Variants in RHOBTB1 observed in about 807,000 individuals in gnomAD.
RHOBTB1 encodes Rho related BTB domain containing 1.
Under a neutral mutation model 71.6 loss-of-function variants are expected in RHOBTB1, and 40 were observed. The ratio of observed to expected loss-of-function variants is 0.56; its 90% CI spans 0.43 to 0.73. RHOBTB1 has a LOEUF of 0.73. Among genes scored for constraint, RHOBTB1 ranks in the 30% least tolerant of loss-of-function variants. The pLI is 0.00. For synonymous variants in RHOBTB1, 319 were observed against 334.9 expected, an observed-to-expected ratio of 0.95 and a Z score of 0.52; for missense variants, 797 against 894.0, an observed-to-expected ratio of 0.89 and a Z score of 1.38.
chr10:60,986,955 T>C (rs1210467264), intron 1 of RHOBTB1, among the ~76,000 whole-genome samples: 1 of 152,132 alleles, frequency 6.6e-6, no homozygotes, highest in Admixed American at 6.5e-5. Context: ...CTGAAGGAAA[T>C]TGTTGATTGC....
chr10:60,975,947 A>T (rs2086299646), intron 2 of RHOBTB1, among the ~76,000 whole-genome samples: 1 of 152,048 alleles, frequency 6.6e-6, no homozygotes, highest in South Asian at 2.1e-4. Context: ...AGTGGAAGGG[A>T]GGAGTCTTAT....
At chr10:60,959,470 T>A (rs968740855) in intron 2 of RHOBTB1, among the ~76,000 whole-genome samples, 1 of 152,154 alleles carries the variant, frequency 6.6e-6, no homozygotes, top group Non-Finnish European at 1.5e-5. Context: ...AGACACACAG[T>A]CCATTAAAAA....
At chr10:60,875,246 C>T (rs139583359) in intron 8 of RHOBTB1, among the ~76,000 whole-genome samples, 2 of 152,320 alleles carry the variant, frequency 1.3e-5, no homozygotes, top group East Asian at 1.9e-4. Context: ...TTCACCCACA[C>T]CTCTGGGGAC....
chr10:60,876,198 T>A (rs1389106259), intron 8 of RHOBTB1, among the ~76,000 whole-genome samples: 1 of 152,214 alleles, frequency 6.6e-6, no homozygotes. Context: ...CACAAAGCAT[T>A]GTCACTGTAG....
Position 60,871,199 on chromosome 10 carries a change from C to A in RHOBTB1, c.*283G>T. 2 of 294,652 alleles carry A rather than the reference C, an allele frequency of 6.8e-6. No individual in the cohort carries two copies. The highest frequency in any genetic ancestry group is 1.3e-4 in the South Asian group (1 of 7,664). The allele number at this position is 294,652 out of a possible 1,614,324, so 18.3% of individuals were successfully genotyped here. ...TTTTTTTTCTTTGTATAAAAAGAAA[C>A]AAAATAACAGACTAAAGTTTATTAA... On this transcript the variant is annotated 3_prime_UTR_variant, in exon 11 of 11. Transcript: ENST00000337910.
intron 2 of RHOBTB1, among the ~76,000 whole-genome samples, chr10:60,927,057 G>T (rs1213624873): frequency 6.6e-6 from 1 of 152,172 alleles, no homozygotes; most frequent in East Asian, 1.9e-4. Flanking sequence ...AAAATAAGTA[G>T]CATTGCTATA....
chr10:60,920,239 G>A (rs756647351), intron 2 of RHOBTB1, among the ~76,000 whole-genome samples: 4 of 152,102 alleles, frequency 2.6e-5, no homozygotes, highest in Non-Finnish European at 4.4e-5. Flanking sequence ...GCAAGCCAGC[G>A]GTGGTTCACA....
chr10:60,888,693 C>A lies in RHOBTB1; in HGVS notation c.975G>T (p.Leu325Phe). The A allele has an allele frequency of 6.2e-7, 1 of 1,614,210 alleles. No individual in the cohort carries two copies. The highest frequency in any genetic ancestry group is 8.5e-7 in the Non-Finnish European group (1 of 1,180,032). Residue 325 changes from leucine to phenylalanine, a missense_variant, in exon 6 of 11, where the codon TTG becomes TTT. Around this residue, in one of 2 missense-constraint regions of RHOBTB1, gnomAD observed 658 missense variants for 681.5 expected, o/e 0.97. Coordinates refer to ENST00000337910, the MANE Select transcript of RHOBTB1 (RefSeq NM_014836.5). ...KQSRDFQGRILSVDPEEEREE... is the reference protein window; with the variant it reads ...KQSRDFQGRIFSVDPEEEREE... ...CCCTTTCTTCCTCTGGGTCGACACT[C>A]AATATCCGCCCCTGGAAATCTCTGC...
At chr10:60,911,081 A>G (rs2082943332) in intron 3 of RHOBTB1, 91 bp from the exon 4 acceptor site, 2 of 953,978 alleles carry the variant, frequency 2.1e-6, no homozygotes, top group Admixed American at 4.0e-5. Context: ...AGTGCCATCA[A>G]TTCACTTGCA....
intron 2 of RHOBTB1, among the ~76,000 whole-genome samples, chr10:60,962,303 A>G (rs940903258): frequency 1.3e-5 from 2 of 152,158 alleles, no homozygotes; most frequent in African/African-American, 4.8e-5. Flanking sequence ...AACTCTTCCC[A>G]ACAGAAAAAG....
In RHOBTB1 at chr10:60,924,861, T is replaced by A. The variant is rs193208938; in HGVS notation, c.-10-13309A>T. Among the ~76,000 whole-genome samples the A allele has an allele frequency of 2.5e-3, 381 of 152,296 alleles. 4 individuals are homozygous for A. The highest frequency in any genetic ancestry group is 6.8e-3 in the Middle Eastern group (2 of 294). The stretch of plus-strand genomic sequence containing the variant: ...GAACTTTGGAAACTTTATGAACACA[T>A]GGAAATCAAACAATATGCTCTTAGA... On this transcript the variant is annotated intron_variant, in intron 2 of 10. Transcript: ENST00000337910.
At chr10:60,897,885 T>G (rs1226401323) in intron 4 of RHOBTB1, among the ~76,000 whole-genome samples, 3 of 152,074 alleles carry the variant, frequency 2.0e-5, no homozygotes, top group Admixed American at 2.0e-4. Context: ...TTTGTATTTT[T>G]AGTAGAGATG....
Position 60,909,008 on chromosome 10 carries a change from A to G in RHOBTB1, c.296+1879T>C, listed in dbSNP as rs759797986. 7.2e-5 allele frequency among the ~76,000 whole-genome samples: 11 copies of G among 152,336 alleles called. 1 individual carries two copies. Among genetic ancestry groups the G allele is most frequent in the East Asian group, 3.9e-4 (2 of 5,178 alleles). ...GTTACAGTTGACAGAACCAAATGTT[A>G]CAGACAAGGGAGCAGAACAATGCAC... On this transcript the variant is annotated intron_variant, in intron 4 of 10. Coordinates refer to ENST00000337910, the MANE Select transcript of RHOBTB1 (RefSeq NM_014836.5).
chr10:60,911,364 C>T lies in RHOBTB1; in HGVS notation c.179G>A (p.Arg60His), dbSNP rs753212767. 17 of 1,612,322 alleles carry T rather than the reference C, an allele frequency of 1.1e-5. No individual in the cohort carries two copies. The highest frequency in any genetic ancestry group is 2.2e-5 in the East Asian group (1 of 44,816). ...TGTGCATCTTACCTCCTGGCACACG[C>T]GGTACTGGTCAATCGCCCACACTGT... ...VPTVWAIDQY[R>H]VCQEVLERSR... The change falls in exon 3 of 11, where the codon CGC becomes CAC. Residue 60 changes from arginine (R) to histidine (H), a missense_variant. This residue lies in a region of RHOBTB1 where 139 missense variants were observed against 212.5 expected (regional missense o/e 0.65). Transcript: ENST00000337910.
rs1289662635 is a variant in RHOBTB1, at chr10:60,967,285, G to GTT, written c.-62+18558_-62+18559dup. 1.7e-3 allele frequency among the ~76,000 whole-genome samples: 215 copies of GTT among 126,690 alleles called. 1 individual carries two copies. Among genetic ancestry groups the GTT allele is most frequent in the African/African-American group, 4.5e-3 (152 of 34,124 alleles). 83.1% of individuals were successfully genotyped at this position (126,690 alleles called of 152,430 possible). ...CATTTAGGTTTTTCTTTGTTTGCCT[G>GTT]TTTTTTTTTTTTTTTTTTTCTTTTT... On this transcript the variant is annotated intron_variant, in intron 2 of 11. Coordinates refer to the RHOBTB1 transcript ENST00000357917.
intron 1 of RHOBTB1, among the ~76,000 whole-genome samples, chr10:60,987,030 G>A (rs935984655): frequency 4.6e-5 from 7 of 152,176 alleles, no homozygotes; most frequent in Admixed American, 4.6e-4. Flanking sequence ...ATGAAGTGTG[G>A]ACCCAGATGT....
intron 2 of RHOBTB1, among the ~76,000 whole-genome samples, chr10:60,928,599 T>C (rs2084034721): frequency 6.6e-6 from 1 of 151,854 alleles, no homozygotes; most frequent in African/African-American, 2.4e-5. Flanking sequence ...GAGAATATAA[T>C]AGAATGGTGG....
At chr10:60,957,376 T>A (rs922226245) in intron 2 of RHOBTB1, among the ~76,000 whole-genome samples, 1 of 152,224 alleles carries the variant, frequency 6.6e-6, no homozygotes, top group African/African-American at 2.4e-5. Flanking sequence ...TTCAGATGGC[T>A]GTAATGTCAC....
At chr10:60,940,767 C>G (rs1204409531) in intron 2 of RHOBTB1, among the ~76,000 whole-genome samples, 1 of 152,126 alleles carries the variant, frequency 6.6e-6, no homozygotes, top group Non-Finnish European at 1.5e-5. Context: ...AAAAAATGTG[C>G]TTGGAAATTT....
Sources: gnomAD v4.1 joint callset for allele counts (sites outside exome capture counted in the v4.1 genomes callset) on GRCh38, gnomAD v4.1.1 for gene constraint, gnomAD v4.1.1 regional missense constraint, MANE v1.5 for transcripts, NCBI Gene and HGNC (gene_info 2026-07-23, HGNC 2026-07-21) for gene names.